Variants in DMD observed in about 807,000 individuals in gnomAD.
DMD encodes the protein dystrophin.
Under a neutral mutation model 330.1 loss-of-function variants are expected in DMD, and 63 were observed. The observed-to-expected ratio is 0.19, with a 90% CI of 0.16 to 0.24. The LOEUF is 0.24. DMD is among the 10% of genes least tolerant of loss of function. The pLI is 1.00. For synonymous variants in DMD, 1,223 were observed against 959.8 expected (o/e 1.27, Z -5.07); for missense variants, 3,344 against 2,684.1 (o/e 1.25, Z -5.43).
At chrX:32,802,465 C>G (rs1262298204) in intron 7 of DMD, among the ~76,000 whole-genome samples, 3 of 110,955 alleles carry the variant, frequency 2.7e-5, no homozygotes, top group African/African-American at 9.8e-5. Context: ...TTTGAATACC[C>G]TTTCTTTCTC....
chrX:31,616,488 G>A (rs1243005473), intron 55 of DMD, among the ~76,000 whole-genome samples: 2 of 111,673 alleles, frequency 1.8e-5, no homozygotes, highest in Non-Finnish European at 3.8e-5. Context: ...GCCAGGTGAA[G>A]GAGTCTGTAG....
intron 44 of DMD, among the ~76,000 whole-genome samples, chrX:32,209,273 G>T (rs896387468): frequency 6.3e-5 from 7 of 111,050 alleles, no homozygotes; most frequent in Non-Finnish European, 7.6e-5. Flanking sequence ...TTTAAGATGG[G>T]GGAGTTACAA....
chrX:32,263,853 C>T (rs900611410), intron 43 of DMD, among the ~76,000 whole-genome samples: 62 of 111,781 alleles, frequency 5.5e-4, no homozygotes, highest in Middle Eastern at 9.2e-3. Flanking sequence ...ATTTATCCCT[C>T]AGCCATTGAT....
intron 2 of DMD, among the ~76,000 whole-genome samples, chrX:32,922,047 G>A (rs1408743385): frequency 9.0e-6 from 1 of 111,073 alleles, no homozygotes; most frequent in Non-Finnish European, 1.9e-5. Flanking sequence ...CAGATATGAA[G>A]GGTTTGGTAA....
chrX:32,157,397 C>A (rs2096834436), intron 44 of DMD, among the ~76,000 whole-genome samples: 1 of 112,258 alleles, frequency 8.9e-6, no homozygotes, highest in Non-Finnish European at 1.9e-5. Context: ...GAGAAACATA[C>A]CAATATTTAT....
intron 29 of DMD, among the ~76,000 whole-genome samples, chrX:32,418,475 T>C (rs947703233): frequency 5.4e-5 from 6 of 111,719 alleles, no homozygotes; most frequent in Non-Finnish European, 1.1e-4. Context: ...CAACTGCAAG[T>C]TGCATGTTTT....
chrX:31,360,162 T>G (rs1191507073), intron 60 of DMD, among the ~76,000 whole-genome samples: 2 of 111,477 alleles, frequency 1.8e-5, no homozygotes, highest in Non-Finnish European at 3.8e-5. Context: ...AAACCAGAGC[T>G]GTACTTGACT....
chrX:32,235,989 AT>A (rs759687860), intron 43 of DMD, among the ~76,000 whole-genome samples: 36 of 112,062 alleles, frequency 3.2e-4, no homozygotes, highest in Middle Eastern at 4.6e-3. Context: ...TTTATCATTT[AT>A]TAGTTCTCTA....
chrX:31,951,246 A>AT (rs1386815265), intron 45 of DMD, among the ~76,000 whole-genome samples: 3 of 101,097 alleles, frequency 3.0e-5, no homozygotes, highest in Non-Finnish European at 6.0e-5. Context: ...ATCTTAAATA[A>AT]TTTTTTGCAT....
rs2051136843 is a variant in DMD at position 32,562,489 on chromosome X, T to C, written c.1992+3213A>G. 2.7e-5 allele frequency among the ~76,000 whole-genome samples: 3 copies of C among 112,798 alleles called. No individual in the cohort carries two copies. In the Admixed American group the frequency reaches 2.8e-4, roughly 11 times the overall value. On this transcript the variant is annotated intron_variant, in intron 16 of 78. Coordinates refer to ENST00000357033, the MANE Select transcript of DMD (RefSeq NM_004006.3). ...GGGTGCCTTGTCATCTCAATCACGA[T>C]TTCCACACCCTGCCTCACAATAGGT...
intron 1 of DMD, among the ~76,000 whole-genome samples, chrX:33,031,821 C>G (rs994278964): frequency 9.0e-6 from 1 of 110,861 alleles, no homozygotes; most frequent in Non-Finnish European, 1.9e-5. Flanking sequence ...ACTCATAAGC[C>G]ACACCAAACC....
At chrX:32,510,811 G>C (rs112496895) in intron 18 of DMD, among the ~76,000 whole-genome samples, 13 of 111,252 alleles carry the variant, frequency 1.2e-4, no homozygotes, top group African/African-American at 4.2e-4. Flanking sequence ...ATTAGTTAGG[G>C]AGTTGGGCAC....
intron 1 of DMD, among the ~76,000 whole-genome samples, chrX:33,081,606 G>A (rs992861190): frequency 8.9e-5 from 10 of 112,056 alleles, no homozygotes; most frequent in African/African-American, 3.2e-4. Flanking sequence ...GCATTTCATT[G>A]CAAGGCAACC....
At chrX:31,405,198 T>C (rs1233250251) in intron 60 of DMD, among the ~76,000 whole-genome samples, 1 of 111,713 alleles carries the variant, frequency 9.0e-6, no homozygotes, top group Non-Finnish European at 1.9e-5. Context: ...ACAAGAAAAA[T>C]AATATGTATA....
intron 11 of DMD, among the ~76,000 whole-genome samples, chrX:32,628,446 T>G (rs2058516979): frequency 1.9e-5 from 2 of 106,726 alleles, no homozygotes; most frequent in South Asian, 8.4e-4. Flanking sequence ...GTCATTTTTG[T>G]CAACCCTTTC....
intron 2 of DMD, among the ~76,000 whole-genome samples, chrX:32,885,908 G>A (rs6631659): frequency 1.9e-5 from 2 of 102,857 alleles, no homozygotes; most frequent in African/African-American, 7.1e-5. Context: ...TCCAAATCTA[G>A]ACTCCAAATA....
intron 1 of DMD, among the ~76,000 whole-genome samples, chrX:33,153,067 T>C (rs1177995258): frequency 1.8e-5 from 2 of 112,615 alleles, no homozygotes; most frequent in East Asian, 5.6e-4. Flanking sequence ...GATTCAGACT[T>C]AAACTTTTGG....
intron 7 of DMD, chrX:32,756,440 GCTAAAAAC>G (rs1346899528): frequency 1.8e-5 from 2 of 111,575 alleles, no homozygotes; most frequent in Non-Finnish European, 3.8e-5. Flanking sequence ...CAATAAAATC[GCTAAAAAC>G]CAAAAGCATT....
At chrX:32,507,589 A>T (rs1426043151) in intron 18 of DMD, among the ~76,000 whole-genome samples, 1 of 111,602 alleles carries the variant, frequency 9.0e-6, no homozygotes. Flanking sequence ...CTCAGTAACA[A>T]CCACCACAAC....
Sources: gnomAD v4.1 joint callset for allele counts (sites outside exome capture counted in the v4.1 genomes callset) on GRCh38, gnomAD v4.1.1 for gene constraint, MANE v1.5 for transcripts, NCBI Gene and HGNC (gene_info 2026-07-23, HGNC 2026-07-21) for gene names.